Variants in GRK5 observed in about 807,000 individuals in gnomAD.
The protein encoded by GRK5 is g protein-coupled receptor kinase GRK5.
Under a neutral mutation model 78.4 loss-of-function variants are expected in GRK5, and 40 were observed. The observed-to-expected ratio is 0.51, with a 90% CI of 0.40 to 0.66. GRK5 has a LOEUF of 0.66. Among genes scored for constraint, GRK5 ranks in the 30% least tolerant of loss-of-function variants. GRK5 has a pLI of 0.00. For missense variants in GRK5, 598 were observed against 759.9 expected (o/e 0.79, Z 2.50); for synonymous variants, 289 against 296.8 (o/e 0.97, Z 0.27).
At position 119,345,697 on chromosome 10, in the gene GRK5, A is replaced by G. The variant is rs551397676; in HGVS notation, c.148+19086A>G. On this transcript the variant is annotated intron_variant, in intron 2 of 15. Transcript: ENST00000392870. ...GTCCACTGCCTATGGTTCCTTCACC[A>G]TATACTTCCCCTCCACCCCACCCTG... Among the ~76,000 whole-genome samples the G allele has an allele frequency of 1.7e-4, 26 of 152,176 alleles. 1 individual carries two copies. Among genetic ancestry groups the G allele is most frequent in the Middle Eastern group, 6.8e-3 (2 of 294 alleles).
intron 2 of GRK5, among the ~76,000 whole-genome samples, chr10:119,356,877 G>A (rs1278194281): frequency 6.6e-6 from 1 of 152,206 alleles, no homozygotes; most frequent in Non-Finnish European, 1.5e-5. Flanking sequence ...CTGATAAAAC[G>A]ATAAAGGCTT....
chr10:119,396,064 G>A (rs1261856895), intron 3 of GRK5, among the ~76,000 whole-genome samples: 1 of 152,224 alleles, frequency 6.6e-6, no homozygotes, highest in Non-Finnish European at 1.5e-5. Context: ...ATCCTTGCAA[G>A]GTGTAATAAT....
At chr10:119,406,383 C>T in intron 4 of GRK5, 1 of 843,680 alleles carries the variant, frequency 1.2e-6, no homozygotes, top group Non-Finnish European at 1.4e-6. Context: ...TGGCCCTGGT[C>T]CTGCTTAGAG....
chr10:119,273,547 G>A (rs1849619169), intron 1 of GRK5, among the ~76,000 whole-genome samples: 1 of 152,194 alleles, frequency 6.6e-6, no homozygotes, highest in African/African-American at 2.4e-5. Context: ...CCCTCCCAAG[G>A]TGCTGAGACA....
intron 4 of GRK5, among the ~76,000 whole-genome samples, chr10:119,409,132 A>G (rs1032250708): frequency 1.3e-5 from 2 of 152,176 alleles, no homozygotes; most frequent in Admixed American, 1.3e-4. Context: ...CTGACCCCCA[A>G]CCTGGGCCTC....
intron 1 of GRK5, among the ~76,000 whole-genome samples, chr10:119,262,156 T>C (rs1589709261): frequency 6.6e-6 from 1 of 152,106 alleles, no homozygotes. Context: ...TCCTCACACA[T>C]GGAGACACTT....
intron 3 of GRK5, among the ~76,000 whole-genome samples, chr10:119,388,543 G>A (rs1178629708): frequency 6.6e-6 from 1 of 151,934 alleles, no homozygotes; most frequent in Non-Finnish European, 1.5e-5. Context: ...CACCAGGTTG[G>A]CCAGGCTGGT....
chr10:119,208,079 G>A (rs1033984801), intron 1 of GRK5, 110 bp downstream of exon 1: 12 of 1,008,278 alleles, frequency 1.2e-5, no homozygotes, highest in African/African-American at 3.4e-5. Flanking sequence ...CGCTGCCGGC[G>A]AGTGGGTCGC....
At position 119,267,573 on chromosome 10, in the gene GRK5, G is replaced by A. The variant is rs1266438789; in HGVS notation, c.53-58943G>A. On this transcript the variant is annotated intron_variant, in intron 1 of 15. Transcript: ENST00000392870. This position sits in a 1 kb window ranked among gnomAD's most constrained non-coding sequence, Gnocchi z 4.1. ...GATGGCAAGGGGCTGGAGGCTCAGC[G>A]GACGGGCCCTGTTTTAGGGATTGAG... is the stretch of plus-strand genomic sequence containing the variant. 6.6e-6 allele frequency among the ~76,000 whole-genome samples: 1 copy of A among 152,192 alleles called. No individual in the cohort carries two copies.
intron 2 of GRK5, among the ~76,000 whole-genome samples, chr10:119,354,716 A>T (rs1056891117): frequency 5.9e-5 from 9 of 152,154 alleles, no homozygotes; most frequent in Non-Finnish European, 1.3e-4. Context: ...TTAAGGCTGA[A>T]TAATATTCCA....
intron 1 of GRK5, among the ~76,000 whole-genome samples, chr10:119,309,006 G>A (rs1850317856): frequency 1.3e-5 from 2 of 152,234 alleles, no homozygotes; most frequent in South Asian, 4.1e-4. Context: ...GGAGGCTGGT[G>A]CTGAGGCTGG....
chr10:119,261,765 G>T (rs1053572803), intron 1 of GRK5, among the ~76,000 whole-genome samples: 2 of 152,222 alleles, frequency 1.3e-5, no homozygotes, highest in Admixed American at 6.5e-5. Flanking sequence ...CAGGCGTGGC[G>T]GCGCGCGCCT....
At chr10:119,367,414 A>G (rs572186554) in intron 2 of GRK5, among the ~76,000 whole-genome samples, 1 of 152,284 alleles carries the variant, frequency 6.6e-6, no homozygotes, top group East Asian at 1.9e-4. Context: ...GCAAAGATGG[A>G]AGGAGGCTTG....
At chr10:119,289,665 G>A (rs115834483) in intron 1 of GRK5, among the ~76,000 whole-genome samples, 1,551 of 152,334 alleles carry the variant, frequency 0.01, 18 homozygotes, top group African/African-American at 0.035. Flanking sequence ...CTTGGTCTTT[G>A]TGCACGGGCC....
chr10:119,304,552 C>T (rs1421197311), intron 1 of GRK5, among the ~76,000 whole-genome samples: 3 of 152,202 alleles, frequency 2.0e-5, no homozygotes, highest in African/African-American at 4.8e-5. Flanking sequence ...TGACATTCTT[C>T]TTCCCATTTT....
At chr10:119,322,156 G>A (rs1241539871) in intron 1 of GRK5, among the ~76,000 whole-genome samples, 4 of 152,132 alleles carry the variant, frequency 2.6e-5, no homozygotes, top group African/African-American at 9.7e-5. Context: ...GTCTTGCTAT[G>A]TTGCCTAAGC....
chr10:119,436,610 A>C lies in GRK5; in HGVS notation c.739-41A>C, dbSNP rs377673687. On this transcript the variant is annotated intron_variant, in intron 8 of 15. Transcript: ENST00000392870. Reference sequence around the variant, plus strand: ...AGGAGGGAAGTGGAAGTGAGTGGCCATTGTCACAACCTCCCCATGGCACTG... The same window carrying C: ...AGGAGGGAAGTGGAAGTGAGTGGCCCTTGTCACAACCTCCCCATGGCACTG... 8.1e-6 allele frequency: 13 copies of C among 1,603,772 alleles called. No individual in the cohort carries two copies. The East Asian group carries it at 2.9e-4, about 36-fold the overall frequency.
In GRK5 at chr10:119,444,735, C is replaced by T. The variant is rs186671738; in HGVS notation, c.1266+983C>T. The stretch of plus-strand genomic sequence containing the variant: ...AGATGTACCCCGTATCCCATGTACC[C>T]GGAGCCACAGATGGGCAAACCGAGC... On this transcript the variant is annotated intron_variant, in intron 12 of 15. Coordinates refer to ENST00000392870, the MANE Select transcript of GRK5 (RefSeq NM_005308.3). 1.5e-3 allele frequency among the ~76,000 whole-genome samples: 234 copies of T among 152,292 alleles called. 1 individual carries two copies. The highest frequency in any genetic ancestry group is 5.3e-3 in the African/African-American group (221 of 41,564).
chr10:119,443,840 G>A, intron 12 of GRK5, 88 bp downstream of exon 12: 1 of 1,144,742 alleles, frequency 8.7e-7, no homozygotes, highest in Non-Finnish European at 1.2e-6. Flanking sequence ...ACAGCAAACA[G>A]GCTGAAGGGA....
Sources: allele counts gnomAD v4.1 joint callset (sites outside exome capture counted in the v4.1 genomes callset), GRCh38; gene constraint gnomAD v4.1.1; non-coding constraint Gnocchi (gnomAD v3.1); transcripts MANE v1.5; gene names NCBI Gene and HGNC (gene_info 2026-07-23, HGNC 2026-07-21).